Variants in IL1RAPL1 observed in about 807,000 individuals in gnomAD.
IL1RAPL1 encodes the protein interleukin-1 receptor accessory protein-like 1.
A neutral mutation model predicts 48.4 loss-of-function variants in IL1RAPL1; 3 were observed. The ratio of observed to expected loss-of-function variants is 0.06; its 90% CI spans 0.03 to 0.16. IL1RAPL1 has a LOEUF of 0.16. IL1RAPL1 is among the 10% of genes least tolerant of loss of function. The pLI is 1.00. For missense variants in IL1RAPL1, 349 were observed against 530.6 expected, an observed-to-expected ratio of 0.66 and a Z score of 3.36; for synonymous variants, 185 against 187.7, an observed-to-expected ratio of 0.99 and a Z score of 0.12.
chrX:29,864,041 TC>T (rs1415323081), intron 6 of IL1RAPL1, among the ~76,000 whole-genome samples: 1 of 111,976 alleles, frequency 8.9e-6, no homozygotes, highest in African/African-American at 3.2e-5. Flanking sequence ...TGCCTCGGCC[TC>T]CCAAAGTGCT....
chrX:29,865,796 C>T (rs1458845807), intron 6 of IL1RAPL1, among the ~76,000 whole-genome samples: 1 of 101,295 alleles, frequency 9.9e-6, no homozygotes, highest in African/African-American at 3.8e-5. Flanking sequence ...GCCACCACGC[C>T]TGGCTAATTT....
chrX:29,166,001 A>G (rs924749735), intron 2 of IL1RAPL1, among the ~76,000 whole-genome samples: 6 of 112,897 alleles, frequency 5.3e-5, no homozygotes, highest in Non-Finnish European at 7.5e-5. Flanking sequence ...TAGTCATGCA[A>G]CACTTTAGCT....
chrX:29,018,920 A>T (rs1224316050), intron 2 of IL1RAPL1, among the ~76,000 whole-genome samples: 1 of 111,945 alleles, frequency 8.9e-6, no homozygotes, highest in African/African-American at 3.3e-5. Flanking sequence ...GTCTGTTCTC[A>T]TGCTGCTATA....
chrX:29,474,627 G>T (rs182185842), intron 5 of IL1RAPL1, among the ~76,000 whole-genome samples: 1 of 111,781 alleles, frequency 8.9e-6, no homozygotes, highest in African/African-American at 3.3e-5. Context: ...CCTGTTTATC[G>T]CATGGTCAGA....
intron 2 of IL1RAPL1, among the ~76,000 whole-genome samples, chrX:28,861,211 C>G (rs1307232808): frequency 2.7e-5 from 3 of 111,586 alleles, no homozygotes; most frequent in Non-Finnish European, 3.8e-5. Flanking sequence ...CTCAATATGT[C>G]TTTCTTCAAC....
intron 1 of IL1RAPL1, among the ~76,000 whole-genome samples, chrX:28,660,089 GTGT>G (rs1934803249): frequency 1.8e-4 from 4 of 22,650 alleles, no homozygotes; most frequent in African/African-American, 4.3e-4. Flanking sequence ...TGAGGATGGT[GTGT>G]GTGTGTGTGT....
At chrX:29,589,827 G>T (rs1303495871) in intron 5 of IL1RAPL1, among the ~76,000 whole-genome samples, 1 of 111,527 alleles carries the variant, frequency 9.0e-6, no homozygotes, top group Non-Finnish European at 1.9e-5. Flanking sequence ...CTAAAGAAAA[G>T]AGGTTTAATT....
intron 2 of IL1RAPL1, among the ~76,000 whole-genome samples, chrX:28,920,596 C>G (rs774445898): frequency 8.9e-6 from 1 of 111,919 alleles, no homozygotes; most frequent in Non-Finnish European, 1.9e-5. Context: ...CTAAGATTCA[C>G]TCACCCTTCT....
chrX:29,456,586 A>G (rs1934741540), intron 5 of IL1RAPL1, among the ~76,000 whole-genome samples: 1 of 111,216 alleles, frequency 9.0e-6, no homozygotes, highest in Admixed American at 9.6e-5. Context: ...TGCTAGGTGC[A>G]GAAGATATAA....
intron 1 of IL1RAPL1, among the ~76,000 whole-genome samples, chrX:28,713,979 T>C (rs1490301980): frequency 8.9e-6 from 1 of 111,950 alleles, no homozygotes; most frequent in Non-Finnish European, 1.9e-5. Context: ...CTTGTAAAGG[T>C]GAATTTCAAT....
chrX:29,283,159 T>C lies in IL1RAPL1; in HGVS notation c.304T>C (p.Ser102Pro). Reference sequence around the variant, plus strand: ...AAGTAGAATGAGCAAAGAAGAAGACTCCATTTGGTTCCGGCCAACATTGCT... The same window carrying C: ...AAGTAGAATGAGCAAAGAAGAAGACCCCATTTGGTTCCGGCCAACATTGCT... ...DGSRMSKEED[S>P]IWFRPTLLQD... is the part of the protein sequence containing the mutation. The change falls in exon 3 of 11, where the codon TCC becomes CCC. Residue 102 changes from serine (S) to proline (P), a missense_variant. By Grantham distance (74) the Ser-to-Pro change is moderately conservative. Transcript: ENST00000378993. 8.3e-7 allele frequency: 1 copy of C among 1,211,389 alleles called. No homozygotes were observed. The highest frequency in any genetic ancestry group is 3.0e-5 in the East Asian group (1 of 33,829).
At position 29,427,707 on chromosome X, in the gene IL1RAPL1, T is replaced by C. The variant is rs144594643; in HGVS notation, c.703+28399T>C. Among the ~76,000 whole-genome samples, 375 of 111,405 alleles carry C rather than the reference T, an allele frequency of 3.4e-3. 2 individuals are homozygous for C. The highest frequency in any genetic ancestry group is 0.012 in the African/African-American group (353 of 30,650). ...CTGAAAATTATATCCAAGACCAGTCTTGGGAAGCAACTGGAGAAGTTATAA... is the reference window on the plus strand; with the variant it reads ...CTGAAAATTATATCCAAGACCAGTCCTGGGAAGCAACTGGAGAAGTTATAA... On this transcript the variant is annotated intron_variant, in intron 5 of 10. Transcript: ENST00000378993.
intron 2 of IL1RAPL1, among the ~76,000 whole-genome samples, chrX:29,059,092 C>G (rs1927286360): frequency 8.9e-6 from 1 of 111,950 alleles, no homozygotes; most frequent in Non-Finnish European, 1.9e-5. Context: ...CACCGTGCAA[C>G]TCGGTGGTGG....
At position 29,847,215 on chromosome X, in the gene IL1RAPL1, A is replaced by G. The variant is rs1054621777; in HGVS notation, c.779-70249A>G. Among the ~76,000 whole-genome samples, 8 of 112,017 alleles carry G rather than the reference A, an allele frequency of 7.1e-5. No individual in the cohort carries two copies. In the East Asian group the frequency reaches 2.2e-3, roughly 31 times the overall value. On this transcript the variant is annotated intron_variant, in intron 6 of 10. Coordinates refer to ENST00000378993, the MANE Select transcript of IL1RAPL1 (RefSeq NM_014271.4). ...GGAATGGTCAATGTTTTTTGTAGCC[A>G]ACAGCTTTGAAATATGCTTATAGAA...
intron 6 of IL1RAPL1, 134 bp from the exon 7 acceptor site, chrX:29,917,330 C>A: frequency 1.7e-6 from 1 of 582,294 alleles, no homozygotes; most frequent in Non-Finnish European, 2.7e-6. Flanking sequence ...GATTGAAAAT[C>A]CCTGAAAAAT....
chrX:28,676,074 G>T (rs1482124020), intron 1 of IL1RAPL1, among the ~76,000 whole-genome samples: 2 of 111,771 alleles, frequency 1.8e-5, no homozygotes, highest in Non-Finnish European at 3.8e-5. Context: ...TCACCTCTAT[G>T]ATTGTTAATG....
intron 5 of IL1RAPL1, among the ~76,000 whole-genome samples, chrX:29,455,203 A>G (rs1934725417): frequency 8.9e-6 from 1 of 111,817 alleles, no homozygotes; most frequent in Non-Finnish European, 1.9e-5. Context: ...CACGTCCTGC[A>G]CATGTATCCT....
At chrX:29,640,736 A>G (rs1240128008) in intron 5 of IL1RAPL1, among the ~76,000 whole-genome samples, 1 of 112,377 alleles carries the variant, frequency 8.9e-6, no homozygotes, top group Non-Finnish European at 1.9e-5. Context: ...AATCCAAACC[A>G]ATGACAAATC....
intron 1 of IL1RAPL1, among the ~76,000 whole-genome samples, chrX:28,752,611 A>G (rs758791703): frequency 2.7e-5 from 3 of 112,635 alleles, no homozygotes; most frequent in Non-Finnish European, 5.6e-5. Flanking sequence ...GCAGAAATCC[A>G]AACCTCTGCT....
Sources: allele counts gnomAD v4.1 joint callset (sites outside exome capture counted in the v4.1 genomes callset), GRCh38; gene constraint gnomAD v4.1.1; transcripts MANE v1.5; gene names NCBI Gene and HGNC (gene_info 2026-07-23, HGNC 2026-07-21).